The following PDE10A variants were observed in gnomAD, a reference collection of about 807,000 sequenced individuals.
PDE10A encodes the protein cAMP and cAMP-inhibited cGMP 3',5'-cyclic phosphodiesterase 10A.
A neutral mutation model predicts 97.7 loss-of-function variants in PDE10A; 39 were observed. The observed-to-expected ratio is 0.40, with a 90% CI of 0.31 to 0.52. PDE10A has a LOEUF of 0.52. Among genes scored for constraint, PDE10A ranks in the 20% least tolerant of loss-of-function variants. The pLI is 0.56. For missense variants in PDE10A, 731 were observed against 1,047.8 expected (o/e 0.70, Z 4.17); for synonymous variants, 371 against 376.8 (o/e 0.98, Z 0.18).
chr6:165,884,541 T>A (rs896929016), intron 1 of PDE10A, among the ~76,000 whole-genome samples: 2 of 152,084 alleles, frequency 1.3e-5, no homozygotes, highest in African/African-American at 4.8e-5. Context: ...CACACCTGTC[T>A]CCCCCCTGAA....
chr6:165,678,155 C>CTGTACA (rs1790861736), intron 1 of PDE10A, among the ~76,000 whole-genome samples: 2 of 2,874 alleles, frequency 7.0e-4, no homozygotes, highest in East Asian at 6.2e-3. Context: ...GTGTGTGTCT[C>CTGTACA]TCTGTGTGTA....
chr6:165,349,768 T>G (rs1782574370), intron 18 of PDE10A, among the ~76,000 whole-genome samples: 1 of 152,198 alleles, frequency 6.6e-6, no homozygotes, highest in Non-Finnish European at 1.5e-5. Context: ...GTTTACCAGC[T>G]GCTTCAACTC....
intron 17 of PDE10A, among the ~76,000 whole-genome samples, chr6:165,381,472 A>G (rs918490253): frequency 6.6e-6 from 1 of 151,958 alleles, no homozygotes; most frequent in African/African-American, 2.4e-5. Context: ...CAAAAAATAA[A>G]TATCTCCCTT....
At chr6:165,550,865 G>A (rs1191709468) in intron 1 of PDE10A, among the ~76,000 whole-genome samples, 1 of 152,118 alleles carries the variant, frequency 6.6e-6, no homozygotes, top group Non-Finnish European at 1.5e-5. Flanking sequence ...ACCTTTCACA[G>A]CGTGAGATGG....
chr6:165,418,754 A>T lies in PDE10A; in HGVS notation c.1677T>A (p.Asn559Lys). The T allele has an allele frequency of 6.2e-7, 1 of 1,613,678 alleles. No homozygotes were observed. The highest frequency in any genetic ancestry group is 8.5e-7 in the Non-Finnish European group (1 of 1,179,858). Residue 559 changes from asparagine (N) to lysine (K), a missense_variant, in exon 11 of 22, where the codon AAT (asparagine) becomes AAA (lysine). By Grantham distance (94) the Asn-to-Lys change is moderately conservative. Around this residue, in one of 8 missense-constraint regions of PDE10A, gnomAD observed 108 missense variants for 199.8 expected, o/e 0.54. Coordinates refer to ENST00000539869, the MANE Select transcript of PDE10A (RefSeq NM_001385079.1). This position sits in a 1 kb window ranked among gnomAD's most constrained non-coding sequence, Gnocchi z 4.8. ...HIMIYAKNLV[N>K]ADRCALFQVD... ...CCTGGAAAAGCGCACAACGATCGGC[A>T]TTCACCAGGTTTTTTGCATATATCT...
chr6:165,623,695 C>T (rs78842038), intron 1 of PDE10A, among the ~76,000 whole-genome samples: 1,549 of 152,230 alleles, frequency 0.01, 25 homozygotes, highest in African/African-American at 0.035. Context: ...CTCTCAGTTG[C>T]GGAACCCAAT....
chr6:165,736,630 C>A (rs1792581686), intron 1 of PDE10A, among the ~76,000 whole-genome samples: 1 of 152,222 alleles, frequency 6.6e-6, no homozygotes, highest in South Asian at 2.1e-4. Context: ...ACACAACATA[C>A]CTAATTTATG....
intron 1 of PDE10A, among the ~76,000 whole-genome samples, chr6:165,828,080 C>A (rs988467833): frequency 6.6e-6 from 1 of 152,118 alleles, no homozygotes; most frequent in African/African-American, 2.4e-5. Flanking sequence ...CTTGGATTAC[C>A]CATTTGCAGA....
intron 1 of PDE10A, among the ~76,000 whole-genome samples, chr6:165,559,010 T>A (rs1004863686): frequency 1.3e-5 from 2 of 148,410 alleles, no homozygotes; most frequent in East Asian, 2.0e-4. Flanking sequence ...AAAAAAAAAA[T>A]TAAAATTCTC....
intron 1 of PDE10A, among the ~76,000 whole-genome samples, chr6:165,730,998 A>T (rs1367671244): frequency 1.3e-5 from 2 of 152,134 alleles, no homozygotes; most frequent in Non-Finnish European, 2.9e-5. Context: ...GTGAGCTGAG[A>T]TTGTGCCACT....
At position 165,425,256 on chromosome 6, in the gene PDE10A, T is replaced by C. The variant is rs534754556; in HGVS notation, c.1653+3402A>G. Among the ~76,000 whole-genome samples, 32 of 152,184 alleles carry C rather than the reference T, an allele frequency of 2.1e-4. 1 individual carries two copies. The South Asian group carries it at 5.6e-3, about 27-fold the overall frequency. ...AAAAAAAACTGAAAATAAGAAAATG[T>C]CTTTGGCTAGGAAGACGCCATATGC... On this transcript the variant is annotated intron_variant, in intron 10 of 21. Transcript: ENST00000539869.
chr6:165,823,982 G>A (rs1163849098), intron 1 of PDE10A, among the ~76,000 whole-genome samples: 1 of 152,130 alleles, frequency 6.6e-6, no homozygotes, highest in Non-Finnish European at 1.5e-5. Flanking sequence ...AGGTTTCATT[G>A]GTTTGCCTAG....
intron 1 of PDE10A, among the ~76,000 whole-genome samples, chr6:165,652,710 A>T (rs968866489): frequency 3.3e-5 from 5 of 152,180 alleles, no homozygotes; most frequent in African/African-American, 4.8e-5. Context: ...CTTTATGCAA[A>T]GCCGCTTCTT....
chr6:165,718,581 A>G (rs1290783510), intron 1 of PDE10A, among the ~76,000 whole-genome samples: 1 of 152,026 alleles, frequency 6.6e-6, no homozygotes, highest in East Asian at 1.9e-4. Flanking sequence ...TGATTGCCCC[A>G]ACCTCCCTGC....
chr6:165,706,851 A>C (rs1791722596), intron 1 of PDE10A, among the ~76,000 whole-genome samples: 1 of 152,208 alleles, frequency 6.6e-6, no homozygotes, highest in South Asian at 2.1e-4. Context: ...GATTTTAAAA[A>C]AAGGAACACT....
chr6:165,459,580 T>G (rs1013246437), intron 3 of PDE10A, among the ~76,000 whole-genome samples: 10 of 51,864 alleles, frequency 1.9e-4, no homozygotes, highest in Admixed American at 1.1e-3. Flanking sequence ...TAATGATAGA[T>G]ATATATATAT....
At chr6:165,751,810 T>C (rs1318727504) in intron 1 of PDE10A, among the ~76,000 whole-genome samples, 1 of 152,018 alleles carries the variant, frequency 6.6e-6, no homozygotes, top group African/African-American at 2.4e-5. Flanking sequence ...CCCCTCAATT[T>C]GCATGCACCT....
At chr6:165,384,318 C>G (rs574295) in intron 17 of PDE10A, among the ~76,000 whole-genome samples, 69,449 of 151,364 alleles carry the variant, frequency 0.46, 16,747 homozygotes, top group African/African-American at 0.62. Context: ...ACTCAAGGGA[C>G]TTTCCTGTCT....
At chr6:165,645,986 A>C (rs1307741391) in intron 1 of PDE10A, among the ~76,000 whole-genome samples, 2 of 152,210 alleles carry the variant, frequency 1.3e-5, no homozygotes, top group African/African-American at 4.8e-5. Flanking sequence ...GTAGGAAACA[A>C]GTATAAAGGG....
Sources: gnomAD v4.1 joint callset for allele counts (sites outside exome capture counted in the v4.1 genomes callset) on GRCh38, gnomAD v4.1.1 for gene constraint, gnomAD v4.1.1 regional missense constraint, Gnocchi (gnomAD v3.1) non-coding constraint, MANE v1.5 for transcripts, NCBI Gene and HGNC (gene_info 2026-07-23, HGNC 2026-07-21) for gene names.